The following CYP4F12 variants were observed in gnomAD, a reference collection of about 807,000 sequenced individuals.
The protein encoded by CYP4F12 is cytochrome P450 family 4 subfamily F member 12.
CYP4F12 carries 60 observed loss-of-function variants against 56.5 expected under a neutral mutation model. That is an observed-to-expected ratio of 1.06 (90% CI 0.86 to 1.32). The LOEUF (loss-of-function observed/expected upper bound fraction) is 1.32. CYP4F12 is among the 40% of genes most tolerant of loss of function. CYP4F12 has a pLI of 0.00. For synonymous variants in CYP4F12, 263 were observed against 264.9 expected (o/e 0.99, Z 0.07); for missense variants, 711 against 683.5 (o/e 1.04, Z -0.45).
chr19:15,695,295 T>C (rs1288789905), intron 9 of CYP4F12, among the ~76,000 whole-genome samples: 4 of 131,434 alleles, frequency 3.0e-5, no homozygotes, highest in African/African-American at 8.8e-5. Context: ...TAGGTGGGAA[T>C]TGAACAATGA....
rs375594895 is a variant in CYP4F12, at chr19:15,680,388, C to T, written c.398-4C>T. The T allele has an allele frequency of 1.7e-5, 28 of 1,614,158 alleles. No homozygotes were observed. The African/African-American group carries it at 3.6e-4, about 21-fold the overall frequency. Reference sequence around the variant, plus strand: ...TTGCCCACTGTCCTTGGCTGCCCTACTAGGAGAAGGGATACTGCTGAGTGG... The same window carrying T: ...TTGCCCACTGTCCTTGGCTGCCCTATTAGGAGAAGGGATACTGCTGAGTGG... On this transcript the variant is annotated splice_region_variant and splice_polypyrimidine_tract_variant and intron_variant, in intron 4 of 12. Transcript: ENST00000550308.
chr19:15,677,137 TCACTCATTCCTCTACCCA>T (rs1489803735), intron 2 of CYP4F12, among the ~76,000 whole-genome samples: 3 of 102,564 alleles, frequency 2.9e-5, no homozygotes, highest in African/African-American at 7.1e-5. Flanking sequence ...ATATCCTCAC[TCACTCATTCCTCTACCCA>T]CACTCATTCC....
chr19:15,682,239 C>T (rs1568418517), intron 5 of CYP4F12, 150 bp from the exon 6 acceptor site: 8 of 1,061,360 alleles, frequency 7.5e-6, no homozygotes, highest in East Asian at 2.7e-5. Context: ...AGTTTCTGCT[C>T]GCATCCCAGT....
intron 9 of CYP4F12, among the ~76,000 whole-genome samples, chr19:15,686,078 C>T (rs2007589452): frequency 6.6e-6 from 1 of 152,200 alleles, no homozygotes; most frequent in Admixed American, 6.5e-5. Context: ...AACAGTCCCC[C>T]ACAAGACATT....
At chr19:15,693,248 A>T (rs1362249972) in intron 9 of CYP4F12, among the ~76,000 whole-genome samples, 1 of 152,204 alleles carries the variant, frequency 6.6e-6, no homozygotes, top group African/African-American at 2.4e-5. Context: ...TATGTTTTAT[A>T]GTTTTCAAAT....
chr19:15,688,341 AAAAC>A lies in CYP4F12; in HGVS notation c.1115+3156_1115+3159del, dbSNP rs373027419. 9.7e-3 allele frequency among the ~76,000 whole-genome samples: 1,411 copies of A among 145,308 alleles called. 15 individuals are homozygous for A. Among genetic ancestry groups the A allele is most frequent in the African/African-American group, 0.033 (1,276 of 39,020 alleles). On this transcript the variant is annotated intron_variant, in intron 9 of 12. Transcript: ENST00000550308. ...AACCACCCTCTGACTCTCACAGGGC[AAAAC>A]AAACAAACAAAAAAACAGTTGCAAA...
Position 15,696,045 on chromosome 19 carries a change from C to A in CYP4F12, c.1225C>A (p.Pro409Thr). 6.2e-7 allele frequency: 1 copy of A among 1,613,864 alleles called. No individual in the cohort carries two copies. The highest frequency in any genetic ancestry group is 1.3e-5 in the African/African-American group (1 of 75,020). ...ATGCTGCACCCAGGACATTGTTCTCCCAGATGGCCGAGTCATCCCCAAAGG... is the reference window on the plus strand; with the variant it reads ...ATGCTGCACCCAGGACATTGTTCTCACAGATGGCCGAGTCATCCCCAAAGG... ...SRCCTQDIVL[P>T]DGRVIPKGIT... The change falls in exon 10 of 13, where the codon CCA (proline) becomes ACA (threonine). Residue 409 changes from proline (P) to threonine (T), a missense_variant. Transcript: ENST00000550308.
At chr19:15,677,752 A>G (rs1313114790) in intron 2 of CYP4F12, among the ~76,000 whole-genome samples, 2 of 121,274 alleles carry the variant, frequency 1.6e-5, no homozygotes, top group Non-Finnish European at 3.6e-5. Context: ...TCATTCCTCT[A>G]CCCATGCACT....
At chr19:15,687,274 CTCA>C (rs2007660585) in intron 9 of CYP4F12, among the ~76,000 whole-genome samples, 1 of 45,504 alleles carries the variant, frequency 2.2e-5, no homozygotes, top group Non-Finnish European at 4.0e-5. Flanking sequence ...GAGACTCTTT[CTCA>C]AAAAAAAAAA....
chr19:15,684,842 T>C lies in CYP4F12; in HGVS notation c.945T>C (p.Asp315=). 1 of 1,609,392 alleles carries C rather than the reference T, an allele frequency of 6.2e-7. No individual in the cohort carries two copies. Among genetic ancestry groups the C allele is most frequent in the Non-Finnish European group, 8.5e-7 (1 of 1,178,288 alleles). The change falls in exon 8 of 13, where the codon GAT becomes GAC. Residue 315 remains aspartate (D), a synonymous_variant. Coordinates refer to ENST00000550308, the MANE Select transcript of CYP4F12 (RefSeq NM_023944.4). ...SKDEDGKALS[D]EDIRAEADTF... is the part of the protein sequence containing the mutation. ...ATGAAGATGGGAAGGCATTGTCAGA[T>C]GAGGATATAAGAGCAGAGGCTGACA...
chr19:15,673,440 C>A, intron 1 of CYP4F12, 89 bp from the exon 2 acceptor site: 1 of 1,432,102 alleles, frequency 7.0e-7, no homozygotes, highest in Middle Eastern at 1.8e-4. Flanking sequence ...GCCCTGCCCC[C>A]AGCAGTTCCT....
rs2007468270 is a variant in CYP4F12 at position 15,684,097 on chromosome 19, T to C, written c.918+334T>C. ...CAAACCCCTGGATCACAGCAGCCCA[T>C]TAATTATTTACAGCAGTAACAGCAG... On this transcript the variant is annotated intron_variant, in intron 7 of 12. Transcript: ENST00000550308. 10 of 172,630 alleles carry C rather than the reference T, an allele frequency of 5.8e-5. No homozygotes were observed. In the South Asian group the frequency reaches 1.8e-3, roughly 31 times the overall value. 10.7% of individuals were successfully genotyped at this position (172,630 alleles called of 1,614,324 possible).
At position 15,691,695 on chromosome 19, in the gene CYP4F12, T is replaced by TG. The variant is rs11408989; in HGVS notation, c.1116-4241_1116-4240insG. Among the ~76,000 whole-genome samples the TG allele has an allele frequency of 5.6e-5, 6 of 107,554 alleles. No homozygotes were observed. The South Asian group carries it at 1.5e-3, about 27-fold the overall frequency. The allele number at this position is 107,554 out of a possible 152,430, so 70.6% of individuals were successfully genotyped here. A position where few individuals can be genotyped will look rare whatever the true frequency, so the allele number is the denominator to read the frequency against. ...ATAAGAATGTGTATCACAATTAATG[T>TG]TTTTTTTTTCTGTTTTTTTGTTGCA... On this transcript the variant is annotated intron_variant, in intron 9 of 12. Coordinates refer to ENST00000550308, the MANE Select transcript of CYP4F12 (RefSeq NM_023944.4).
chr19:15,690,936 AT>A (rs1337940712), intron 9 of CYP4F12, among the ~76,000 whole-genome samples: 1 of 151,920 alleles, frequency 6.6e-6, no homozygotes, highest in Non-Finnish European at 1.5e-5. Context: ...TATTCCTTAT[AT>A]TTTTTGTCCT....
At chr19:15,690,980 T>C (rs913993466) in intron 9 of CYP4F12, among the ~76,000 whole-genome samples, 30 of 152,368 alleles carry the variant, frequency 2.0e-4, no homozygotes, top group African/African-American at 6.3e-4. Context: ...TTTGGGAACA[T>C]GTTTTTTTCC....
At chr19:15,691,169 G>A (rs1366540816) in intron 9 of CYP4F12, among the ~76,000 whole-genome samples, 2 of 152,174 alleles carry the variant, frequency 1.3e-5, no homozygotes, top group Non-Finnish European at 2.9e-5. Flanking sequence ...TGTGTGACAG[G>A]ACTAGTGATC....
chr19:15,685,895 C>T (rs1400630371), intron 9 of CYP4F12, among the ~76,000 whole-genome samples: 3 of 152,206 alleles, frequency 2.0e-5, no homozygotes, highest in Non-Finnish European at 4.4e-5. Flanking sequence ...GGGTAAAAGT[C>T]ATCTATCTTT....
rs1568411500 is a variant in CYP4F12 at position 15,673,725 on chromosome 19, C to CTGGT, written c.197_198+2dup. 2 of 1,614,016 alleles carry CTGGT rather than the reference C, an allele frequency of 1.2e-6. No homozygotes were observed. The highest frequency in any genetic ancestry group is 2.2e-5 in the South Asian group (2 of 91,080). On this transcript the variant is annotated frameshift_variant and splice_region_variant, in exon 2 of 13. Coordinates refer to ENST00000550308, the MANE Select transcript of CYP4F12 (RefSeq NM_023944.4). LOFTEE classifies it high-confidence loss of function. Reference sequence around the variant, plus strand: ...GAACTGGTTTTGGGGTCACCTGGGCCTGGTGAGTGTGACAGCAAAATGTGT... The same window carrying CTGGT: ...GAACTGGTTTTGGGGTCACCTGGGCCTGGTTGGTGAGTGTGACAGCAAAATGTGT...
At chr19:15,679,379 T>C (rs1568416067) in intron 3 of CYP4F12, among the ~76,000 whole-genome samples, 1 of 152,256 alleles carries the variant, frequency 6.6e-6, no homozygotes, top group Non-Finnish European at 1.5e-5. Context: ...GCATCACTTT[T>C]TCTTTTAAGG....
Sources: gnomAD v4.1 joint callset for allele counts (sites outside exome capture counted in the v4.1 genomes callset) on GRCh38, gnomAD v4.1.1 for gene constraint, MANE v1.5 for transcripts, NCBI Gene and HGNC (gene_info 2026-07-23, HGNC 2026-07-21) for gene names.